The following FRS2 variants were observed in gnomAD, a reference collection of about 807,000 sequenced individuals.
FRS2 encodes FGFR signalling adaptor.
Under a neutral mutation model 43.9 loss-of-function variants are expected in FRS2, and 8 were observed. The observed-to-expected ratio is 0.18, with a 90% confidence interval of 0.11 to 0.33. The LOEUF is 0.33. FRS2 is among the 10% of genes least tolerant of loss of function. The pLI, the probability that FRS2 is intolerant of heterozygous loss-of-function variation, is 1.00. For synonymous variants in FRS2, 219 were observed against 220.3 expected, an observed-to-expected ratio of 0.99 and a Z score of 0.05; for missense variants, 534 against 627.6, an observed-to-expected ratio of 0.85 and a Z score of 1.59.
chr12:69,527,557 A>G (rs1296710386), intron 1 of FRS2, among the ~76,000 whole-genome samples: 4 of 152,008 alleles, frequency 2.6e-5, no homozygotes, highest in Non-Finnish European at 5.9e-5. Context: ...TTTGTCGTTA[A>G]TAACTGTATT....
chr12:69,553,913 T>G (rs1465315789), intron 3 of FRS2, among the ~76,000 whole-genome samples: 2 of 152,230 alleles, frequency 1.3e-5, no homozygotes, highest in African/African-American at 4.8e-5. Flanking sequence ...TCTCCATGAA[T>G]TCATAGTATT....
chr12:69,508,316 G>A (rs1423970926), intron 1 of FRS2, among the ~76,000 whole-genome samples: 1 of 152,094 alleles, frequency 6.6e-6, no homozygotes, highest in Non-Finnish European at 1.5e-5. Context: ...TCTATTCTTA[G>A]GGAGAAAGAG....
intron 1 of FRS2, among the ~76,000 whole-genome samples, chr12:69,520,142 A>G (rs1418977573): frequency 6.6e-6 from 1 of 151,946 alleles, no homozygotes; most frequent in Non-Finnish European, 1.5e-5. Flanking sequence ...TTTGATTTGC[A>G]TTTTTTTAGT....
At chr12:69,570,223 A>G (rs1371673309) in intron 5 of FRS2, 108 bp from the exon 6 acceptor site, 2 of 796,844 alleles carry the variant, frequency 2.5e-6, no homozygotes, top group East Asian at 2.5e-5. Context: ...CCTGATACAC[A>G]CATTGGTTGA....
chr12:69,547,942 G>A (rs1009324398), intron 3 of FRS2, among the ~76,000 whole-genome samples: 2 of 149,150 alleles, frequency 1.3e-5, no homozygotes, highest in Admixed American at 6.8e-5. Context: ...TGGGCTCAAG[G>A]GATCCTTCCA....
At position 69,569,006 on chromosome 12, in the gene FRS2, G is replaced by C. The variant is rs536498953; in HGVS notation, c.-25G>C. ...TTTTCCAAATTATTTTTCATGTAGT[G>C]CACACATGGTCTTCTGAAGAAGCCA... On this transcript the variant is annotated splice_region_variant and 5_prime_UTR_variant, in exon 5 of 9. Coordinates refer to ENST00000549921, the MANE Select transcript of FRS2 (RefSeq NM_001278356.2). 6 of 1,534,180 alleles carry C rather than the reference G, an allele frequency of 3.9e-6. No individual in the cohort carries two copies. Among genetic ancestry groups the C allele is most frequent in the Middle Eastern group, 3.4e-4 (2 of 5,864 alleles).
At chr12:69,538,810 T>C (rs1877591149) in intron 3 of FRS2, among the ~76,000 whole-genome samples, 1 of 152,214 alleles carries the variant, frequency 6.6e-6, no homozygotes, top group Non-Finnish European at 1.5e-5. Flanking sequence ...TAAAAAGTGA[T>C]AATACCCTAT....
chr12:69,482,397 G>A (rs11177689), intron 1 of FRS2, among the ~76,000 whole-genome samples: 4,300 of 152,184 alleles, frequency 0.028, 204 homozygotes, highest in African/African-American at 0.098. Flanking sequence ...CTTTGATCTG[G>A]TAAATTGGTA....
intron 1 of FRS2, among the ~76,000 whole-genome samples, chr12:69,485,931 A>C (rs1871898857): frequency 6.6e-6 from 1 of 152,240 alleles, no homozygotes; most frequent in South Asian, 2.1e-4. Context: ...ACAAGGAATC[A>C]TAAAAAATAA....
chr12:69,496,910 A>G (rs770522551), intron 1 of FRS2, among the ~76,000 whole-genome samples: 1 of 152,184 alleles, frequency 6.6e-6, no homozygotes, highest in African/African-American at 2.4e-5. Flanking sequence ...AGTTACACAC[A>G]CTCTGTCTCT....
Position 69,578,601 on chromosome 12 carries a change from G to A in FRS2, c.*3646G>A, listed in dbSNP as rs530055. 0.79 allele frequency: 120,587 copies of A among 152,516 alleles called. 48,493 individuals carry two copies. Among genetic ancestry groups the A allele is most frequent in the African/African-American group, 0.92 (38,201 of 41,544 alleles). The allele number at this position is 152,516 out of a possible 1,614,324, so 9.4% of individuals were successfully genotyped here. A position where few individuals can be genotyped will look rare whatever the true frequency, so the allele number is the denominator to read the frequency against. ...ATAGCATGGAAACAGACTGGTATAA[G>A]TAGTACAGTAGTCACCAGTGTGCCA... On this transcript the variant is annotated 3_prime_UTR_variant, in exon 9 of 9. Coordinates refer to ENST00000549921, the MANE Select transcript of FRS2 (RefSeq NM_001278356.2).
intron 1 of FRS2, among the ~76,000 whole-genome samples, chr12:69,494,335 TAG>T (rs1269101952): frequency 6.6e-6 from 1 of 152,232 alleles, no homozygotes; most frequent in Non-Finnish European, 1.5e-5. Context: ...CTAACATTTG[TAG>T]AGTGTCTACT....
chr12:69,478,724 ATGTGTGTG>A (rs59945124), intron 1 of FRS2, among the ~76,000 whole-genome samples: 4,743 of 146,262 alleles, frequency 0.032, 187 homozygotes, highest in African/African-American at 0.085. Context: ...ATACATCATT[ATGTGTGTG>A]TGTGTGTGTG....
intron 3 of FRS2, among the ~76,000 whole-genome samples, chr12:69,534,802 A>G (rs1374148748): frequency 6.6e-6 from 1 of 152,172 alleles, no homozygotes; most frequent in Admixed American, 6.5e-5. Flanking sequence ...GTTTAGATGA[A>G]AAAGGTCTGC....
At position 69,577,167 on chromosome 12, in the gene FRS2, A is replaced by G. The variant is rs1212581814; in HGVS notation, c.*2212A>G. 1.3e-5 allele frequency: 2 copies of G among 152,128 alleles called. No individual in the cohort carries two copies. The highest frequency in any genetic ancestry group is 3.9e-4 in the East Asian group (2 of 5,174). 9.4% of individuals were successfully genotyped at this position (152,128 alleles called of 1,614,324 possible). A position where few individuals can be genotyped will look rare whatever the true frequency, so the allele number is the denominator to read the frequency against. ...TCTAATTAGTTTTTATTTTTTTTAG[A>G]TAACTCCAATATAATCATTACAGTT... is the stretch of plus-strand genomic sequence containing the variant. On this transcript the variant is annotated 3_prime_UTR_variant, in exon 9 of 9. Coordinates refer to ENST00000549921, the MANE Select transcript of FRS2 (RefSeq NM_001278356.2).
At chr12:69,544,125 A>C (rs1878159504) in intron 3 of FRS2, among the ~76,000 whole-genome samples, 1 of 149,466 alleles carries the variant, frequency 6.7e-6, no homozygotes, top group Non-Finnish European at 1.5e-5. Flanking sequence ...TTTTAAGAGT[A>C]CTGGAACTTA....
intron 3 of FRS2, among the ~76,000 whole-genome samples, chr12:69,538,197 T>TTTTATATATATATATA (rs869192774): frequency 4.9e-5 from 4 of 81,620 alleles, no homozygotes; most frequent in African/African-American, 1.1e-4. Flanking sequence ...AAAACAAATT[T>TTTTATATATATATATA]TATATATATA....
intron 1 of FRS2, among the ~76,000 whole-genome samples, chr12:69,471,682 A>G (rs1870310601): frequency 6.6e-6 from 1 of 152,256 alleles, no homozygotes; most frequent in African/African-American, 2.4e-5. Flanking sequence ...GGTTTTCCAC[A>G]ATAAATGGTG....
intron 3 of FRS2, among the ~76,000 whole-genome samples, chr12:69,554,862 G>A (rs1300506251): frequency 2.0e-5 from 3 of 148,530 alleles, no homozygotes; most frequent in South Asian, 4.3e-4. Flanking sequence ...TCGCCACCAC[G>A]CCCAGCTAAC....
Sources: gnomAD v4.1 joint callset for allele counts (sites outside exome capture counted in the v4.1 genomes callset) on GRCh38, gnomAD v4.1.1 for gene constraint, MANE v1.5 for transcripts, NCBI Gene and HGNC (gene_info 2026-07-23, HGNC 2026-07-21) for gene names.